The following KLHL33 variants were observed in gnomAD, a reference collection of about 807,000 sequenced individuals.
The protein encoded by KLHL33 is kelch like family member 33, also known as kelch-like protein 33.
KLHL33 carries 46 observed loss-of-function variants against 60.8 expected under a neutral mutation model. That is an observed-to-expected ratio of 0.76 (90% CI 0.60 to 0.97). KLHL33 has a LOEUF of 0.97. KLHL33 is among the 50% of genes least tolerant of loss of function. KLHL33 has a pLI of 0.00. For synonymous variants in KLHL33, 434 were observed against 432.2 expected (o/e 1.00, Z -0.05); for missense variants, 1,055 against 1,000.0 (o/e 1.05, Z -0.74).
Position 20,435,589 on chromosome 14 carries a change from C to G in KLHL33, c.223G>C (p.Glu75Gln). ...TCTTCATCTTCTTCCTCTTCCTCTT[C>G]TTCCTCTAGGGACAAGGCTGGAAAG... ...LPFPALSLEE[E>Q]EEEEEDEDAA... Residue 75 changes from glutamate (E) to glutamine (Q), a missense_variant, in exon 2 of 5, where the codon GAA becomes CAA. By Grantham distance (29) the Glu-to-Gln change is conservative. Transcript: ENST00000636854. 8.1e-7 allele frequency: 1 copy of G among 1,234,830 alleles called. No homozygotes were observed. Among genetic ancestry groups the G allele is most frequent in the Non-Finnish European group, 1.0e-6 (1 of 988,448 alleles). 76.5% of individuals were successfully genotyped at this position (1,234,830 alleles called of 1,614,324 possible). A position where few individuals can be genotyped will look rare whatever the true frequency, so the allele number is the denominator to read the frequency against.
rs1352741562 is a variant in KLHL33 at position 20,430,355 on chromosome 14, C to T, written c.1113G>A (p.Leu371=). ...CTGGTAAAGAAGGGAAAGCAGGACA[C>T]AAGGCTACAGCAGGCAGGTGGGTGA... ...YLLTHLPAVA[L]CPAFPSLPAA... The change falls in exon 3 of 5, where the codon TTG becomes TTA. Residue 371 remains leucine, a synonymous_variant. Transcript: ENST00000636854. 1.9e-6 allele frequency: 3 copies of T among 1,551,812 alleles called. No individual in the cohort carries two copies. In the East Asian group the frequency reaches 7.3e-5, roughly 38 times the overall value.
intron 4 of KLHL33, 32 bp from the exon 5 acceptor site, chr14:20,429,433 C>G (rs1037268691): frequency 1.3e-6 from 2 of 1,549,760 alleles, no homozygotes; most frequent in Non-Finnish European, 1.7e-6. Flanking sequence ...GATAAGGCAA[C>G]TAGCATCTTC....
Position 20,429,377 on chromosome 14 carries a change from T to A in KLHL33, c.1866A>T (p.Pro622=), listed in dbSNP as rs2139264468. 1 of 1,551,714 alleles carries A rather than the reference T, an allele frequency of 6.4e-7. No individual in the cohort carries two copies. Among genetic ancestry groups the A allele is most frequent in the Admixed American group, 2.0e-5 (1 of 50,990 alleles). The change falls in exon 5 of 5, where the codon CCA becomes CCT. Residue 622 remains proline (P), a synonymous_variant. Coordinates refer to ENST00000636854, the MANE Select transcript of KLHL33 (RefSeq NM_001365790.2). ...AAATCGCAGCTGCGTGGGCAAAACA[T>A]GGTGCTGGAAGTGCAGGTGCTGGCC... is the stretch of plus-strand genomic sequence containing the variant. ...VWRPAPALPA[P]CFAHAAAILE...
intron 3 of KLHL33, 41 bp downstream of exon 3, chr14:20,429,754 T>G: frequency 6.6e-7 from 1 of 1,522,854 alleles, no homozygotes; most frequent in Non-Finnish European, 8.8e-7. Flanking sequence ...CCTGCCCACC[T>G]TAGGGCCTGC....
At chr14:20,432,204 C>T (rs562172352) in intron 2 of KLHL33, among the ~76,000 whole-genome samples, 1 of 152,068 alleles carries the variant, frequency 6.6e-6, no homozygotes, top group South Asian at 2.1e-4. Flanking sequence ...AACCTCCACC[C>T]TCCAGCTTCA....
At position 20,428,789 on chromosome 14, in the gene KLHL33, C is replaced by T. The variant is rs1880376605; in HGVS notation, c.*60G>A. 7.2e-7 allele frequency: 1 copy of T among 1,386,894 alleles called. No individual in the cohort carries two copies. The highest frequency in any genetic ancestry group is 1.4e-5 in the African/African-American group (1 of 69,370). The allele number at this position is 1,386,894 out of a possible 1,614,324, so 85.9% of individuals were successfully genotyped here. A position where few individuals can be genotyped will look rare whatever the true frequency, so the allele number is the denominator to read the frequency against. ...AGCCTCTTTTCACTCCCCACAATCTCTGTCCTTCTCTCAGGCTATTTCTTA... is the reference window on the plus strand; with the variant it reads ...AGCCTCTTTTCACTCCCCACAATCTTTGTCCTTCTCTCAGGCTATTTCTTA... On this transcript the variant is annotated 3_prime_UTR_variant, in exon 5 of 5. Coordinates refer to ENST00000636854, the MANE Select transcript of KLHL33 (RefSeq NM_001365790.2).
chr14:20,433,439 A>T (rs979547329), intron 2 of KLHL33, among the ~76,000 whole-genome samples: 1 of 152,230 alleles, frequency 6.6e-6, no homozygotes, highest in African/African-American at 2.4e-5. Flanking sequence ...TTTAAGCAGT[A>T]GGTAGTGGCC....
chr14:20,428,615 C>G lies in KLHL33; in HGVS notation c.*234G>C. On this transcript the variant is annotated 3_prime_UTR_variant, in exon 5 of 5. Transcript: ENST00000636854. ...AAGCCTTGTGGAGTTGCTCCCGAGT[C>G]TCCTTTCCTCACCTGGGTATTCAGC... The G allele has an allele frequency of 1.9e-6, 1 of 517,068 alleles. No homozygotes were observed. Among genetic ancestry groups the G allele is most frequent in the Non-Finnish European group, 3.4e-6 (1 of 290,714 alleles). The allele number at this position is 517,068 out of a possible 1,614,324, so 32.0% of individuals were successfully genotyped here.
rs1314987990 is a variant in KLHL33, at chr14:20,428,232, G to A, written c.*617C>T. The A allele has an allele frequency of 6.6e-6, 1 of 152,572 alleles. No homozygotes were observed. The highest frequency in any genetic ancestry group is 1.9e-4 in the East Asian group (1 of 5,196). The allele number at this position is 152,572 out of a possible 1,614,324, so 9.5% of individuals were successfully genotyped here. A position where few individuals can be genotyped will look rare whatever the true frequency, so the allele number is the denominator to read the frequency against. ...GCCCCTGTGCCGTGCATGTCCATGT[G>A]GGAGCTTCTGCCTCAGAAGGAAACC... On this transcript the variant is annotated 3_prime_UTR_variant, in exon 5 of 5. Coordinates refer to ENST00000636854, the MANE Select transcript of KLHL33 (RefSeq NM_001365790.2).
chr14:20,435,302 C>T lies in KLHL33; in HGVS notation c.510G>A (p.Glu170=). ...GWEAVLTFAY[E]GVLGPASQGD... The stretch of plus-strand genomic sequence containing the variant: ...CCTGCGAGGCGGGGCCCAGCACCCC[C>T]TCATAGGCAAAGGTCAGCACGGCCT... The change falls in exon 2 of 5, where the codon GAG becomes GAA. Residue 170 remains glutamate, a synonymous_variant. Coordinates refer to ENST00000636854, the MANE Select transcript of KLHL33 (RefSeq NM_001365790.2). 3 of 1,234,434 alleles carry T rather than the reference C, an allele frequency of 2.4e-6. No homozygotes were observed. Among genetic ancestry groups the T allele is most frequent in the Non-Finnish European group, 3.0e-6 (3 of 988,210 alleles). The allele number at this position is 1,234,434 out of a possible 1,614,324, so 76.5% of individuals were successfully genotyped here.
At position 20,430,393 on chromosome 14, in the gene KLHL33, G is replaced by A. The variant is rs777136277; in HGVS notation, c.1075C>T (p.Arg359Cys). The change falls in exon 3 of 5, where the codon CGT becomes TGT. Residue 359 changes from arginine to cysteine, a missense_variant. Arg to Cys is a radical substitution (Grantham distance 180, BLOSUM62 -3). Transcript: ENST00000636854. ...PGLERLWSKA[R>C]HYLLTHLPAV... ...GGCAGGTGGGTGAGGAGGTAGTGAC[G>A]GGCTTTGCTCCAGAGCCTCTCCAAC... 27 of 1,551,674 alleles carry A rather than the reference G, an allele frequency of 1.7e-5. No individual in the cohort carries two copies. Among genetic ancestry groups the A allele is most frequent in the Non-Finnish European group, 2.2e-5 (25 of 1,147,018 alleles).
At position 20,428,785 on chromosome 14, in the gene KLHL33, A is replaced by G. The variant is rs1309169052; in HGVS notation, c.*64T>C. The G allele has an allele frequency of 3.2e-5, 44 of 1,369,664 alleles. No homozygotes were observed. Among genetic ancestry groups the G allele is most frequent in the Non-Finnish European group, 4.3e-5 (43 of 1,004,564 alleles). The allele number at this position is 1,369,664 out of a possible 1,614,324, so 84.8% of individuals were successfully genotyped here. On this transcript the variant is annotated 3_prime_UTR_variant, in exon 5 of 5. Coordinates refer to ENST00000636854, the MANE Select transcript of KLHL33 (RefSeq NM_001365790.2). ...ATAAAGCCTCTTTTCACTCCCCACA[A>G]TCTCTGTCCTTCTCTCAGGCTATTT...
chr14:20,430,338 G>C lies in KLHL33; in HGVS notation c.1130C>G (p.Ser377Cys), dbSNP rs1401241741. The C allele has an allele frequency of 3.9e-6, 6 of 1,551,930 alleles. No homozygotes were observed. Among genetic ancestry groups the C allele is most frequent in the Non-Finnish European group, 3.5e-6 (4 of 1,147,042 alleles). Residue 377 changes from serine to cysteine, a missense_variant, in exon 3 of 5, where the codon TCT (serine) becomes TGT (cysteine). Transcript: ENST00000636854. ...PAVALCPAFPSLPAACLAELL... is the reference protein window; with the variant it reads ...PAVALCPAFPCLPAACLAELL... ...CTCAGCCAAGCAGGCAGCTGGTAAAGAAGGGAAAGCAGGACACAAGGCTAC... is the reference window on the plus strand; with the variant it reads ...CTCAGCCAAGCAGGCAGCTGGTAAACAAGGGAAAGCAGGACACAAGGCTAC...
Position 20,426,996 on chromosome 14 carries a change from A to G in KLHL33, c.*1853T>C, listed in dbSNP as rs1880300644. ...GGAATTGAACAATGAGAACACGTGG[A>G]CACAGGAAGGGGAACATCACACTCT... is the stretch of plus-strand genomic sequence containing the variant. On this transcript the variant is annotated 3_prime_UTR_variant, in exon 5 of 5. Coordinates refer to ENST00000636854, the MANE Select transcript of KLHL33 (RefSeq NM_001365790.2). The G allele has an allele frequency of 7.5e-6, 1 of 132,454 alleles. No homozygotes were observed. The highest frequency in any genetic ancestry group is 8.8e-5 in the Admixed American group (1 of 11,422). The allele number at this position is 132,454 out of a possible 1,614,324, so 8.2% of individuals were successfully genotyped here. A position where few individuals can be genotyped will look rare whatever the true frequency, so the allele number is the denominator to read the frequency against.
rs150424502 is a variant in KLHL33 at position 20,434,779 on chromosome 14, T to C, written c.748+285A>G. ...TTTCTGCTTGTTCTACTGCCATGGATTGTACCCTTAGCTCTAGCCAGCTGG... is the reference window on the plus strand; with the variant it reads ...TTTCTGCTTGTTCTACTGCCATGGACTGTACCCTTAGCTCTAGCCAGCTGG... On this transcript the variant is annotated intron_variant, in intron 2 of 4. Coordinates refer to ENST00000636854, the MANE Select transcript of KLHL33 (RefSeq NM_001365790.2). Among the ~76,000 whole-genome samples the C allele has an allele frequency of 4.2e-4, 64 of 152,246 alleles. No homozygotes were observed. The East Asian group carries it at 0.012, about 28-fold the overall frequency.
chr14:20,435,286 C>A lies in KLHL33; in HGVS notation c.526G>T (p.Ala176Ser). 3 of 1,234,398 alleles carry A rather than the reference C, an allele frequency of 2.4e-6. No homozygotes were observed. Among genetic ancestry groups the A allele is most frequent in the East Asian group, 6.3e-5 (2 of 31,698 alleles). 76.5% of individuals were successfully genotyped at this position (1,234,398 alleles called of 1,614,324 possible). Residue 176 changes from alanine (A) to serine (S), a missense_variant, in exon 2 of 5, where the codon GCC (alanine) becomes TCC (serine). Ala to Ser is a moderately conservative substitution (Grantham distance 99). Coordinates refer to ENST00000636854, the MANE Select transcript of KLHL33 (RefSeq NM_001365790.2). ...TFAYEGVLGPASQGDVLAAAE... is the reference protein window; with the variant it reads ...TFAYEGVLGPSSQGDVLAAAE... ...GCGGCCAGCACATCCCCCTGCGAGG[C>A]GGGGCCCAGCACCCCCTCATAGGCA...
At position 20,430,050 on chromosome 14, in the gene KLHL33, C is replaced by T. The variant is rs746483667; in HGVS notation, c.1418G>A (p.Arg473Gln). 3.3e-5 allele frequency: 51 copies of T among 1,551,638 alleles called. No homozygotes were observed. The South Asian group carries it at 3.3e-4, about 10-fold the overall frequency. ...PGQERRREPDRALVVIGGDGL... is the reference protein window; with the variant it reads ...PGQERRREPDQALVVIGGDGL... ...ATCCCCGCCAATCACTACCAGTGCC[C>T]GGTCAGGCTCCCTCCGTCTCTCTTG... The change falls in exon 3 of 5, where the codon CGG becomes CAG. Residue 473 changes from arginine to glutamine, a missense_variant. By Grantham distance (43) the Arg-to-Gln change is conservative. Transcript: ENST00000636854.
intron 2 of KLHL33, among the ~76,000 whole-genome samples, chr14:20,434,631 C>G (rs1339741411): frequency 6.6e-6 from 1 of 152,096 alleles, no homozygotes; most frequent in Non-Finnish European, 1.5e-5. Context: ...TCAGCCATGG[C>G]GTCAAGCACA....
chr14:20,430,812 C>CTAAGTTTGGCCAAACTA, intron 2 of KLHL33, 93 bp from the exon 3 acceptor site: 1 of 904,910 alleles, frequency 1.1e-6, no homozygotes, highest in South Asian at 1.8e-5. Context: ...TGGCCAAACT[C>CTAAGTTTGGCCAAACTA]TAAGTTTGGC....
Sources: allele counts gnomAD v4.1 joint callset (sites outside exome capture counted in the v4.1 genomes callset), GRCh38; gene constraint gnomAD v4.1.1; transcripts MANE v1.5; gene names NCBI Gene and HGNC (gene_info 2026-07-23, HGNC 2026-07-21).